CSF2RA: variants seen among roughly 807,000 people sequenced by gnomAD.
CSF2RA encodes colony stimulating factor 2 receptor subunit alpha.
A neutral mutation model predicts 51.6 loss-of-function variants in CSF2RA; 42 were observed. The observed-to-expected ratio is 0.81, with a 90% CI of 0.64 to 1.05. The LOEUF is 1.05. Among genes scored for constraint, CSF2RA ranks in the 50% least tolerant of loss-of-function variants. The probability of loss-of-function intolerance (pLI) is 0.00; values close to 1 mark genes in which losing one functional copy is unlikely to be tolerated. For synonymous variants in CSF2RA, 222 were observed against 193.0 expected (o/e 1.15, Z -1.24); for missense variants, 530 against 501.1 (o/e 1.06, Z -0.55).
At chrX:1,302,406 C>T (rs1350508214) in intron 10 of CSF2RA, among the ~76,000 whole-genome samples, 1 of 152,156 alleles carries the variant, frequency 6.6e-6, no homozygotes, top group African/African-American at 2.4e-5. Flanking sequence ...ACCTCTACCT[C>T]CCAGATCACA....
intron 2 of CSF2RA, 61 bp from the exon 3 acceptor site, chrX:1,282,617 C>T (rs779433179): frequency 8.1e-7 from 1 of 1,238,520 alleles, no homozygotes; most frequent in Non-Finnish European, 1.2e-6. Context: ...CCTGGGGTCC[C>T]CTGCCAGGAA....
In CSF2RA at chrX:1,305,457, T is replaced by G. The variant is rs1310278957; in HGVS notation, c.1055T>G (p.Ile352Arg). The G allele has an allele frequency of 6.2e-7, 1 of 1,613,854 alleles. No individual in the cohort carries two copies. The highest frequency in any genetic ancestry group is 1.3e-5 in the African/African-American group (1 of 74,918). The change falls in exon 12 of 13, where the codon ATA (isoleucine) becomes AGA (arginine). Residue 352 changes from isoleucine (I) to arginine (R), a missense_variant. Coordinates refer to ENST00000381529, the MANE Select transcript of CSF2RA (RefSeq NM_172245.4). ...TCTCTGTGTCTCAGGTTCCTTAGGA[T>G]ACAGCGGCTGTTCCCGCCAGTTCCA... ...LGFLFKRFLR[I>R]QRLFPPVPQI...
At chrX:1,323,316 C>G in the CSF2RA span, among the ~76,000 whole-genome samples, 3 of 150,862 alleles carry the variant, frequency 2.0e-5, no homozygotes, top group African/African-American at 7.3e-5. Flanking sequence ...GAGTTCAAGA[C>G]CGGCCTGGCC....
chrX:1,301,920 T>C (rs1238113905), intron 10 of CSF2RA, among the ~76,000 whole-genome samples: 1 of 141,200 alleles, frequency 7.1e-6, no homozygotes, highest in Non-Finnish European at 1.5e-5. Context: ...CTCTTTTTTT[T>C]TTTTTTTTTT....
chrX:1,315,933 G>A, the CSF2RA span, among the ~76,000 whole-genome samples: 1 of 142,200 alleles, frequency 7.0e-6, no homozygotes, highest in Non-Finnish European at 1.5e-5. Context: ...ATAGATGGAT[G>A]ATAGATAATA....
intron 9 of CSF2RA, among the ~76,000 whole-genome samples, chrX:1,299,687 GT>G (rs1314076826): frequency 6.6e-6 from 1 of 152,226 alleles, no homozygotes; most frequent in Non-Finnish European, 1.5e-5. Context: ...GGAGGCTGAG[GT>G]GGGCGGATCA....
chrX:1,289,925 TTGTTTTGTTTTGTGTTTTTG>T (rs1156515185), intron 6 of CSF2RA, among the ~76,000 whole-genome samples: 3 of 128,158 alleles, frequency 2.3e-5, no homozygotes, highest in South Asian at 2.6e-4. Flanking sequence ...TTTTTGTGTT[TTGTTTTGTTTTGTGTTTTTG>T]TGTTTTGTTT....
rs2087951874 is a variant in CSF2RA at position 1,268,875 on chromosome X, T to TG, written c.-91+1dup. The TG allele has an allele frequency of 2.2e-6, 1 of 453,670 alleles. No individual in the cohort carries two copies. Among genetic ancestry groups the TG allele is most frequent in the Non-Finnish European group, 4.4e-6 (1 of 226,710 alleles). The allele number at this position is 453,670 out of a possible 1,614,324, so 28.1% of individuals were successfully genotyped here. On this transcript the variant is annotated 5_prime_UTR_variant, in exon 1 of 13. The change abolishes the stop of an existing upstream ORF in the 5' untranslated region. Coordinates refer to ENST00000381529, the MANE Select transcript of CSF2RA (RefSeq NM_172245.4). ...GTGGAAGGAGAGGAAGCGGATGCCG[T>TG]GGGGGTAAGCTAAGTTCTTTCCTTC... is the stretch of plus-strand genomic sequence containing the variant.
intron 4 of CSF2RA, among the ~76,000 whole-genome samples, chrX:1,288,211 G>C (rs2090987664): frequency 4.0e-5 from 6 of 151,784 alleles, no homozygotes; most frequent in Admixed American, 3.3e-4. Flanking sequence ...GCCGGGCATG[G>C]TGGCTCACGC....
At chrX:1,314,333 C>CCGCACTGCACCTGCCT (rs2084349567), downstream of CSF2RA, among the ~76,000 whole-genome samples, 1 of 46,046 alleles carries the variant, frequency 2.2e-5, no homozygotes, top group African/African-American at 1.1e-4. Flanking sequence ...TGCACCTGCC[C>CCGCACTGCACCTGCCT]AACCCCACTG....
Position 1,302,313 on chromosome X carries a change from A to G in CSF2RA, c.947-1610A>G, listed in dbSNP as rs777310910. Reference sequence around the variant, plus strand: ...TGAGGGCTCCAAATTGAAAAGGGGAAGGGGCAGGATATTGAGAAGTATGCG... The same window carrying G: ...TGAGGGCTCCAAATTGAAAAGGGGAGGGGGCAGGATATTGAGAAGTATGCG... On this transcript the variant is annotated intron_variant, in intron 10 of 12. Coordinates refer to ENST00000381529, the MANE Select transcript of CSF2RA (RefSeq NM_172245.4). Among the ~76,000 whole-genome samples, 17 of 152,110 alleles carry G rather than the reference A, an allele frequency of 1.1e-4. No individual in the cohort carries two copies. In the South Asian group the frequency reaches 3.5e-3, roughly 32 times the overall value.
intron 2 of CSF2RA, among the ~76,000 whole-genome samples, chrX:1,278,759 T>C (rs28868362): frequency 0.2 from 29,196 of 145,236 alleles, 3,968 homozygotes; most frequent in East Asian, 0.32. Context: ...ATCCAGAGGC[T>C]GGGTGCAGTG....
rs147667495 is a variant in CSF2RA, at chrX:1,285,660, G to C, written c.77-118G>C. The C allele has an allele frequency of 0.23, 269,253 of 1,174,904 alleles. 37,138 individuals carry two copies. The highest frequency in any genetic ancestry group is 0.24 in the Non-Finnish European group (206,754 of 848,696). 72.8% of individuals were successfully genotyped at this position (1,174,904 alleles called of 1,614,324 possible). A position where few individuals can be genotyped will look rare whatever the true frequency, so the allele number is the denominator to read the frequency against. On this transcript the variant is annotated intron_variant, in intron 3 of 12. Transcript: ENST00000381529. ...CAGCTTGCAGTGACCTGAGATCACA[G>C]CACTGCACTCCAGCCTGGGAGACAA...
At chrX:1,319,926 C>T in the CSF2RA span, among the ~76,000 whole-genome samples, 1,522 of 149,036 alleles carry the variant, frequency 0.01, 87 homozygotes, top group Non-Finnish European at 0.017. Context: ...GATGGAGTCT[C>T]GCTCTGTCCC....
chrX:1,317,563 A>G, the CSF2RA span, among the ~76,000 whole-genome samples: 12 of 92,498 alleles, frequency 1.3e-4, no homozygotes, highest in African/African-American at 7.0e-4. Flanking sequence ...TTTTATTTTT[A>G]TTTTATTTTA....
chrX:1,324,038 AG>A, the CSF2RA span, among the ~76,000 whole-genome samples: 1 of 151,400 alleles, frequency 6.6e-6, no homozygotes. Context: ...GCAAAAATTT[AG>A]CTGGACATGG....
At chrX:1,321,098 C>T in the CSF2RA span, among the ~76,000 whole-genome samples, 1 of 151,994 alleles carries the variant, frequency 6.6e-6, no homozygotes, top group East Asian at 1.9e-4. Context: ...CCCTCCTCGG[C>T]CTCCCAAAGT....
rs1391124352 is a variant in CSF2RA, at chrX:1,280,865, CCTCCTCCTT to C, written c.-26-1807_-26-1799del. ...TCCTTCCTCTCCTTCTCCTCCTCCTCCTCCTCCTTCTCCTGCTCCTTCTCCTCCTCCTCC... is the reference window on the plus strand; with the variant it reads ...TCCTTCCTCTCCTTCTCCTCCTCCTCCTCCTGCTCCTTCTCCTCCTCCTCC... On this transcript the variant is annotated intron_variant, in intron 2 of 12. Coordinates refer to ENST00000381529, the MANE Select transcript of CSF2RA (RefSeq NM_172245.4). 8.5e-4 allele frequency among the ~76,000 whole-genome samples: 120 copies of C among 141,002 alleles called. 1 individual carries two copies. The highest frequency in any genetic ancestry group is 2.8e-3 in the African/African-American group (106 of 37,300). The allele number at this position is 141,002 out of a possible 152,430, so 92.5% of individuals were successfully genotyped here.
chrX:1,270,868 C>T lies in CSF2RA; in HGVS notation c.-91+1989C>T, dbSNP rs28628684. 4.9e-3 allele frequency among the ~76,000 whole-genome samples: 262 copies of T among 53,824 alleles called. 2 individuals are homozygous for T. The highest frequency in any genetic ancestry group is 0.028 in the African/African-American group (254 of 9,150). 35.3% of individuals were successfully genotyped at this position (53,824 alleles called of 152,430 possible). Reference sequence around the variant, plus strand: ...CAGCCTGGCCAACAGGGTGAAACCCCATCTCTACTAAAAATACCCAAAATT... The same window carrying T: ...CAGCCTGGCCAACAGGGTGAAACCCTATCTCTACTAAAAATACCCAAAATT... On this transcript the variant is annotated intron_variant, in intron 1 of 12. Coordinates refer to ENST00000381529, the MANE Select transcript of CSF2RA (RefSeq NM_172245.4).
Sources: allele counts gnomAD v4.1 joint callset (sites outside exome capture counted in the v4.1 genomes callset), GRCh38; gene constraint gnomAD v4.1.1; transcripts MANE v1.5; gene names NCBI Gene and HGNC (gene_info 2026-07-23, HGNC 2026-07-21).